The following NELL2 variants were observed in gnomAD, a reference collection of about 807,000 sequenced individuals.
NELL2 encodes neural EGFL like 2, also known as protein kinase C-binding protein NELL2.
Under a neutral mutation model 109.6 loss-of-function variants are expected in NELL2, and 41 were observed. The observed-to-expected ratio is 0.37, with a 90% confidence interval of 0.29 to 0.49. The LOEUF (loss-of-function observed/expected upper bound fraction) is 0.49. Among genes scored for constraint, NELL2 ranks in the 20% least tolerant of loss-of-function variants. The pLI is 0.98. For synonymous variants in NELL2, 355 were observed against 344.7 expected (o/e 1.03, Z -0.33); for missense variants, 900 against 1,008.3 (o/e 0.89, Z 1.45).
chr12:44,587,307 ATTTT>A (rs67322195), intron 15 of NELL2, among the ~76,000 whole-genome samples: 3,080 of 95,246 alleles, frequency 0.032, 218 homozygotes, highest in African/African-American at 0.08. Context: ...ATATATATAT[ATTTT>A]TTTTTAAATA....
chr12:44,893,519 T>C (rs1945559395), intron 1 of NELL2, among the ~76,000 whole-genome samples: 1 of 152,124 alleles, frequency 6.6e-6, no homozygotes, highest in Non-Finnish European at 1.5e-5. Flanking sequence ...CACAGCTAAA[T>C]TAAGTATTTC....
chr12:44,739,749 G>C (rs1566277048), intron 9 of NELL2, among the ~76,000 whole-genome samples: 1 of 152,018 alleles, frequency 6.6e-6, no homozygotes, highest in Non-Finnish European at 1.5e-5. Context: ...AAATTAGCTG[G>C]GTGTGGTGGC....
intron 1 of NELL2, among the ~76,000 whole-genome samples, chr12:44,911,392 G>C (rs970450711): frequency 6.6e-6 from 1 of 151,730 alleles, no homozygotes; most frequent in South Asian, 2.1e-4. Context: ...TATATTTCTC[G>C]GGGAAACCAT....
At chr12:44,545,411 T>C (rs895858410) in intron 15 of NELL2, among the ~76,000 whole-genome samples, 1 of 152,106 alleles carries the variant, frequency 6.6e-6, no homozygotes, top group African/African-American at 2.4e-5. Context: ...CATTTAAGTA[T>C]TTATTAAATG....
At chr12:44,914,927 G>A (rs1001258640), upstream of NELL2, among the ~76,000 whole-genome samples, 3 of 151,602 alleles carry the variant, frequency 2.0e-5, no homozygotes, top group Admixed American at 2.0e-4. Flanking sequence ...TCGGCTCACT[G>A]TAAGCTCGGT....
At chr12:44,850,682 C>T (rs1944507761) in intron 2 of NELL2, among the ~76,000 whole-genome samples, 1 of 152,072 alleles carries the variant, frequency 6.6e-6, no homozygotes, top group African/African-American at 2.4e-5. Context: ...AACTAAAGCA[C>T]CTCAGAGTCA....
chr12:44,747,425 T>C (rs1479433723), intron 9 of NELL2, among the ~76,000 whole-genome samples: 1 of 151,750 alleles, frequency 6.6e-6, no homozygotes, highest in Non-Finnish European at 1.5e-5. Flanking sequence ...GTTGTGCACA[T>C]GTACCCTAAA....
At chr12:44,539,517 G>C (rs1313987693) in intron 15 of NELL2, among the ~76,000 whole-genome samples, 4 of 151,746 alleles carry the variant, frequency 2.6e-5, no homozygotes, top group Non-Finnish European at 4.4e-5. Context: ...TATGTATTGT[G>C]CATATTTTGC....
intron 15 of NELL2, 135 bp from the exon 16 acceptor site, chr12:44,532,856 T>C: frequency 1.3e-6 from 1 of 798,398 alleles, no homozygotes; most frequent in Admixed American, 2.9e-5. Flanking sequence ...TAAGAAAGTC[T>C]ACTTGTTTGT....
Position 44,717,931 on chromosome 12 carries a change from G to T in NELL2, c.995-3190C>A, listed in dbSNP as rs1003262060. ...GGGACAGAGGACAAAGAATGGAAAT[G>T]GGAGTGTTGGGTGCCCAGGAACAAT... On this transcript the variant is annotated intron_variant, in intron 9 of 19. Coordinates refer to ENST00000429094, the MANE Select transcript of NELL2 (RefSeq NM_001145108.2). Among the ~76,000 whole-genome samples, 5 of 152,146 alleles carry T rather than the reference G, an allele frequency of 3.3e-5. 1 individual carries two copies. In the South Asian group the frequency reaches 1.0e-3, roughly 31 times the overall value.
At chr12:44,893,996 C>T (rs1232763821) in intron 1 of NELL2, among the ~76,000 whole-genome samples, 1 of 151,972 alleles carries the variant, frequency 6.6e-6, no homozygotes, top group African/African-American at 2.4e-5. Context: ...ACTCAACAGA[C>T]CTAAAACTGC....
At chr12:44,714,848 C>T in intron 9 of NELL2, 107 bp from the exon 10 acceptor site, 1 of 559,676 alleles carries the variant, frequency 1.8e-6, no homozygotes, top group Middle Eastern at 4.3e-4. Context: ...CTTTTTTCAA[C>T]ATGTATGACT....
In NELL2 at chr12:44,729,498, C is replaced by T. The variant is rs181477518; in HGVS notation, c.995-14757G>A. ...TAAAATGACAATAGTAAGTCCTACT[C>T]GATCAATAATAACTTTAAAAGTAAA... On this transcript the variant is annotated intron_variant, in intron 9 of 19. Coordinates refer to ENST00000429094, the MANE Select transcript of NELL2 (RefSeq NM_001145108.2). 3.3e-5 allele frequency among the ~76,000 whole-genome samples: 5 copies of T among 149,992 alleles called. No individual in the cohort carries two copies. In the South Asian group the frequency reaches 8.4e-4, roughly 25 times the overall value.
intron 2 of NELL2, among the ~76,000 whole-genome samples, chr12:44,847,822 G>A (rs1179316052): frequency 6.6e-6 from 1 of 151,634 alleles, no homozygotes; most frequent in South Asian, 2.1e-4. Context: ...ACTTGAGGCC[G>A]GGAGTTCAAG....
chr12:44,615,731 G>A (rs944061746), intron 13 of NELL2, among the ~76,000 whole-genome samples: 3 of 151,856 alleles, frequency 2.0e-5, no homozygotes, highest in Non-Finnish European at 2.9e-5. Context: ...CAATTAGGAC[G>A]TTATCATCTC....
At chr12:44,600,554 A>T (rs1945181342) in intron 15 of NELL2, among the ~76,000 whole-genome samples, 1 of 152,246 alleles carries the variant, frequency 6.6e-6, no homozygotes, top group African/African-American at 2.4e-5. Flanking sequence ...CTATATAAAA[A>T]AATCAGAATT....
At chr12:44,695,603 G>T (rs1949040051) in intron 12 of NELL2, among the ~76,000 whole-genome samples, 1 of 151,472 alleles carries the variant, frequency 6.6e-6, no homozygotes, top group East Asian at 2.0e-4. Flanking sequence ...AATTAAAAGT[G>T]GTAAAGAGAA....
chr12:44,814,057 C>T (rs889413109), intron 3 of NELL2, among the ~76,000 whole-genome samples: 6 of 152,222 alleles, frequency 3.9e-5, no homozygotes, highest in African/African-American at 1.2e-4. Context: ...TTAAGGTGTT[C>T]GACCCTGGGA....
chr12:44,567,598 T>C (rs928963126), intron 15 of NELL2, among the ~76,000 whole-genome samples: 1 of 152,156 alleles, frequency 6.6e-6, no homozygotes, highest in African/African-American at 2.4e-5. Flanking sequence ...TACTGAAATA[T>C]AGCCTAGAAA....
Sources: allele counts gnomAD v4.1 joint callset (sites outside exome capture counted in the v4.1 genomes callset), GRCh38; gene constraint gnomAD v4.1.1; transcripts MANE v1.5; gene names NCBI Gene and HGNC (gene_info 2026-07-23, HGNC 2026-07-21).